The following RECQL variants were observed in gnomAD, a reference collection of about 807,000 sequenced individuals.
The protein encoded by RECQL is ATP-dependent DNA helicase Q1.
RECQL carries 73 observed loss-of-function variants against 75.8 expected under a neutral mutation model. The observed-to-expected ratio is 0.96, with a 90% confidence interval of 0.80 to 1.17. The LOEUF is 1.17. Ranked by LOEUF, RECQL falls within the 50% of genes most tolerant of loss-of-function variation. The pLI, the probability that RECQL is intolerant of heterozygous loss-of-function variation, is 0.00. For missense variants in RECQL, 699 were observed against 772.1 expected (o/e 0.91, Z 1.12); for synonymous variants, 248 against 254.4 (o/e 0.97, Z 0.24).
intron 8 of RECQL, among the ~76,000 whole-genome samples, chr12:21,476,707 C>T (rs1943092380): frequency 6.6e-6 from 1 of 152,020 alleles, no homozygotes; most frequent in Non-Finnish European, 1.5e-5. Flanking sequence ...GGCAATTTGA[C>T]GACTCATAAT....
In RECQL at chr12:21,499,616, C is replaced by T. The variant is rs756434860; in HGVS notation, c.-45-1G>A. The T allele has an allele frequency of 6.5e-7, 1 of 1,531,924 alleles. No homozygotes were observed. Among genetic ancestry groups the T allele is most frequent in the Admixed American group, 1.9e-5 (1 of 53,368 alleles). The allele number at this position is 1,531,924 out of a possible 1,614,324, so 94.9% of individuals were successfully genotyped here. ...TTTCTAAAATAATCCAAATTTCTTTCTAAAAATAAAAGCACAACAGTGACA... is the reference window on the plus strand; with the variant it reads ...TTTCTAAAATAATCCAAATTTCTTTTTAAAAATAAAAGCACAACAGTGACA... On this transcript the variant is annotated splice_acceptor_variant, in intron 1 of 14. Coordinates refer to ENST00000444129, the MANE Select transcript of RECQL (RefSeq NM_002907.4). LOFTEE classifies it low-confidence loss of function (5UTR_SPLICE).
chr12:21,482,638 G>C (rs1018804121), intron 6 of RECQL, among the ~76,000 whole-genome samples: 45 of 152,152 alleles, frequency 3.0e-4, no homozygotes. Context: ...CAGAAGTAAG[G>C]GGCAACAGCA....
chr12:21,474,540 T>C (rs1038820876), intron 11 of RECQL, among the ~76,000 whole-genome samples: 9 of 152,088 alleles, frequency 5.9e-5, no homozygotes, highest in African/African-American at 2.2e-4. Flanking sequence ...TTCAAAATTA[T>C]TAAATCATGT....
At position 21,477,212 on chromosome 12, in the gene RECQL, A is replaced by G. The variant is rs917855; in HGVS notation, c.868-220T>C. On this transcript the variant is annotated intron_variant, in intron 7 of 14. Coordinates refer to ENST00000444129, the MANE Select transcript of RECQL (RefSeq NM_002907.4). Reference sequence around the variant, plus strand: ...TAATTTACCAGAGAAGAGCAAGCACATGAGCAGTGAATAACTTGCAAGGAT... The same window carrying G: ...TAATTTACCAGAGAAGAGCAAGCACGTGAGCAGTGAATAACTTGCAAGGAT... 0.5 allele frequency among the ~76,000 whole-genome samples: 75,528 copies of G among 151,908 alleles called. 18,856 individuals carry two copies. Among genetic ancestry groups the G allele is most frequent in the East Asian group, 0.55 (2,816 of 5,164 alleles).
chr12:21,484,737 T>C (rs181919039), intron 5 of RECQL, among the ~76,000 whole-genome samples: 71 of 145,240 alleles, frequency 4.9e-4, no homozygotes, highest in African/African-American at 1.7e-3. Flanking sequence ...TATTTCAGCA[T>C]TACATATATA....
chr12:21,487,162 A>G (rs1411863729), intron 4 of RECQL, among the ~76,000 whole-genome samples: 1 of 152,206 alleles, frequency 6.6e-6, no homozygotes, highest in Non-Finnish European at 1.5e-5. Context: ...GATTTTTATC[A>G]TTTCAAATGT....
chr12:21,474,778 C>A, intron 11 of RECQL, 63 bp downstream of exon 11: 1 of 1,499,850 alleles, frequency 6.7e-7, no homozygotes. Context: ...AACTTAAAAA[C>A]GATGTCATAT....
chr12:21,498,826 T>G (rs1009050484), intron 2 of RECQL, among the ~76,000 whole-genome samples: 2 of 152,226 alleles, frequency 1.3e-5, no homozygotes, highest in Non-Finnish European at 2.9e-5. Flanking sequence ...GAATGGGTAG[T>G]TGAAGAAGGC....
intron 6 of RECQL, among the ~76,000 whole-genome samples, chr12:21,481,840 C>T (rs1281656234): frequency 6.6e-6 from 1 of 151,848 alleles, no homozygotes; most frequent in African/African-American, 2.4e-5. Context: ...GTACAGTAAC[C>T]AAGGGAGTAG....
At chr12:21,497,230 A>T (rs544119082) in intron 2 of RECQL, among the ~76,000 whole-genome samples, 1 of 152,152 alleles carries the variant, frequency 6.6e-6, no homozygotes, top group Non-Finnish European at 1.5e-5. Flanking sequence ...CGTGAACAAG[A>T]AGTCTGAATG....
At chr12:21,477,090 G>A in intron 7 of RECQL, 98 bp from the exon 8 acceptor site, 5 of 774,408 alleles carry the variant, frequency 6.5e-6, no homozygotes, top group Non-Finnish European at 9.9e-6. Flanking sequence ...CATGACCATA[G>A]TGTTTTTTTT....
At chr12:21,480,100 C>A (rs1050819453) in intron 6 of RECQL, among the ~76,000 whole-genome samples, 3 of 152,116 alleles carry the variant, frequency 2.0e-5, no homozygotes, top group Non-Finnish European at 4.4e-5. Context: ...GTGGTAAGTG[C>A]TCATAATGAT....
rs145868233 is a variant in RECQL, at chr12:21,475,546, T to A, written c.1138A>T (p.Lys380Ter). The part of the protein sequence containing the change: ...ATVAFGMGID[K>*]PDVRFVIHHS... ...TGGATAACAAACCTCACATCTGGCT[T>A]ATCAATTCCCATACCAAATGCAACA... Residue 380 changes from lysine to a stop codon, truncating the protein, a stop_gained, in exon 10 of 15, where the codon AAG becomes TAG. Transcript: ENST00000444129. LOFTEE classifies it high-confidence loss of function. The A allele has an allele frequency of 1.8e-5, 29 of 1,612,768 alleles. No homozygotes were observed. The highest frequency in any genetic ancestry group is 2.4e-5 in the Non-Finnish European group (28 of 1,179,312).
intron 6 of RECQL, among the ~76,000 whole-genome samples, chr12:21,479,555 G>A (rs374738707): frequency 2.0e-5 from 3 of 151,896 alleles, no homozygotes; most frequent in South Asian, 2.1e-4. Context: ...GTTTCACCAC[G>A]TTGGCCAGGC....
chr12:21,496,310 C>T (rs1943508254), intron 2 of RECQL, among the ~76,000 whole-genome samples: 1 of 152,228 alleles, frequency 6.6e-6, no homozygotes, highest in African/African-American at 2.4e-5. Flanking sequence ...CATGCCCTGG[C>T]ATCTGGCTTC....
rs1943307330 is a variant in RECQL at position 21,486,656 on chromosome 12, CGTTTTTT to C, written c.395-78_395-72del. 256 of 160,914 alleles carry C rather than the reference CGTTTTTT, an allele frequency of 1.6e-3. 8 individuals are homozygous for C. Among genetic ancestry groups the C allele is most frequent in the Middle Eastern group, 7.3e-3 (3 of 410 alleles). The allele number at this position is 160,914 out of a possible 1,614,324, so 10.0% of individuals were successfully genotyped here. On this transcript the variant is annotated intron_variant, in intron 4 of 14. Coordinates refer to ENST00000444129, the MANE Select transcript of RECQL (RefSeq NM_002907.4). ...CTCAGAATCAGATGCAAACCATTCA[CGTTTTTT>C]TTTTTTTTTTTTTTTTTTTTTTTTA...
rs2137349780 is a variant in RECQL at position 21,477,815 on chromosome 12, AT to A, written c.854del (p.Asn285IlefsTer21). On this transcript the variant is annotated frameshift_variant, in exon 7 of 15. Coordinates refer to ENST00000444129, the MANE Select transcript of RECQL (RefSeq NM_002907.4). LOFTEE classifies it high-confidence loss of function. ...AAAAATTACATACCTCATAATATAG[AT>A]TTGGCCTATTAAAAGAAGCTGTAAA... ...FTFTASFNRP[N>X]LYYEVRQKPS... 16 of 1,611,850 alleles carry A rather than the reference AT, an allele frequency of 9.9e-6. No homozygotes were observed. Among genetic ancestry groups the A allele is most frequent in the Non-Finnish European group, 1.4e-5 (16 of 1,178,512 alleles).
At chr12:21,493,375 A>G (rs1434357263) in intron 2 of RECQL, among the ~76,000 whole-genome samples, 1 of 152,182 alleles carries the variant, frequency 6.6e-6, no homozygotes, top group African/African-American at 2.4e-5. Context: ...GGTGAGAATA[A>G]TGGGGTTGAC....
chr12:21,475,065 A>C (rs1295207692), intron 10 of RECQL, 86 bp from the exon 11 acceptor site: 1 of 1,336,604 alleles, frequency 7.5e-7, no homozygotes, highest in African/African-American at 1.5e-5. Context: ...ATTAGCAGGC[A>C]ATGTTTTATA....
Sources: gnomAD v4.1 joint callset for allele counts (sites outside exome capture counted in the v4.1 genomes callset) on GRCh38, gnomAD v4.1.1 for gene constraint, MANE v1.5 for transcripts, NCBI Gene and HGNC (gene_info 2026-07-23, HGNC 2026-07-21) for gene names.